The following PCDH9 variants were observed in gnomAD, a reference collection of about 807,000 sequenced individuals.
PCDH9 encodes protocadherin 9.
PCDH9 carries 24 observed loss-of-function variants against 70.6 expected under a neutral mutation model. The observed-to-expected ratio is 0.34, with a 90% CI of 0.25 to 0.48. The LOEUF (loss-of-function observed/expected upper bound fraction) is 0.48, where lower values mean the gene tolerates loss of function less well. PCDH9 is among the 20% of genes least tolerant of loss of function. PCDH9 has a pLI of 0.99. For missense variants in PCDH9, 1,281 were observed against 1,503.6 expected, an observed-to-expected ratio of 0.85 and a Z score of 2.45; for synonymous variants, 562 against 558.5, an observed-to-expected ratio of 1.01 and a Z score of -0.09.
chr13:66,784,353 A>G (rs886858786), intron 3 of PCDH9, among the ~76,000 whole-genome samples: 6 of 152,134 alleles, frequency 3.9e-5, no homozygotes, highest in African/African-American at 1.4e-4. Flanking sequence ...TGCTTTAGCT[A>G]CCTGGACTGA....
intron 2 of PCDH9, among the ~76,000 whole-genome samples, chr13:67,159,259 C>T (rs907789504): frequency 1.3e-5 from 2 of 151,924 alleles, no homozygotes; most frequent in Admixed American, 6.6e-5. Flanking sequence ...CTCACGGGTT[C>T]GAGAAAACAA....
intron 4 of PCDH9, among the ~76,000 whole-genome samples, chr13:66,607,006 T>G (rs1003539315): frequency 3.9e-5 from 6 of 152,138 alleles, no homozygotes; most frequent in African/African-American, 1.2e-4. Context: ...CGGAGATTTC[T>G]GAATCTACTT....
At chr13:66,443,563 T>C (rs1024334967) in intron 4 of PCDH9, among the ~76,000 whole-genome samples, 2 of 152,192 alleles carry the variant, frequency 1.3e-5, no homozygotes, top group African/African-American at 4.8e-5. Flanking sequence ...GTGCTGATTT[T>C]CATGTATTTT....
intron 4 of PCDH9, among the ~76,000 whole-genome samples, chr13:66,615,187 T>C (rs2077340819): frequency 6.6e-6 from 1 of 152,228 alleles, no homozygotes; most frequent in African/African-American, 2.4e-5. Context: ...GAATAAATTT[T>C]GCTTCTAAGA....
At position 67,020,648 on chromosome 13, in the gene PCDH9, G is replaced by C. The variant is rs377379866; in HGVS notation, c.3037-117043C>G. Among the ~76,000 whole-genome samples, 14 of 152,116 alleles carry C rather than the reference G, an allele frequency of 9.2e-5. No individual in the cohort carries two copies. In the East Asian group the frequency reaches 2.5e-3, roughly 27 times the overall value. On this transcript the variant is annotated intron_variant, in intron 2 of 4. Transcript: ENST00000377865. Reference sequence around the variant, plus strand: ...TGGCATTGTTACTAGCCAAATCCCTGCGGGGAAAAAATGCCATGTAGATTT... The same window carrying C: ...TGGCATTGTTACTAGCCAAATCCCTCCGGGGAAAAAATGCCATGTAGATTT...
chr13:67,014,598 C>T (rs535193503), intron 2 of PCDH9, among the ~76,000 whole-genome samples: 1 of 151,694 alleles, frequency 6.6e-6, no homozygotes, highest in East Asian at 2.0e-4. Flanking sequence ...ACCCACTCTA[C>T]TCAAAATTCT....
rs770161202 is a variant in PCDH9, at chr13:66,746,438, T to A, written c.3139-115027A>T. Among the ~76,000 whole-genome samples, 97 of 152,274 alleles carry A rather than the reference T, an allele frequency of 6.4e-4. 1 individual carries two copies. The highest frequency in any genetic ancestry group is 1.1e-3 in the Non-Finnish European group (73 of 68,008). On this transcript the variant is annotated intron_variant, in intron 3 of 4. Coordinates refer to ENST00000377865, the MANE Select transcript of PCDH9 (RefSeq NM_203487.3). ...AAATACAATTCCTGATCAAATTGTA[T>A]GTCCTTTTCCTGAAAACAGTGAATT...
At chr13:66,642,999 GA>G (rs1213033274) in intron 3 of PCDH9, among the ~76,000 whole-genome samples, 1 of 151,962 alleles carries the variant, frequency 6.6e-6, no homozygotes, top group East Asian at 1.9e-4. Flanking sequence ...TGGTATGAGA[GA>G]ATGCGATGAA....
chr13:66,772,159 C>A (rs2079818578), intron 3 of PCDH9, among the ~76,000 whole-genome samples: 1 of 152,158 alleles, frequency 6.6e-6, no homozygotes. Context: ...AGCCACCTGG[C>A]ACATGCAATA....
chr13:66,554,853 T>C (rs1961656471), intron 4 of PCDH9, among the ~76,000 whole-genome samples: 2 of 151,972 alleles, frequency 1.3e-5, no homozygotes. Context: ...CAATATAAGG[T>C]AGTTTTGTGT....
At chr13:66,932,439 T>G (rs2082826626) in intron 2 of PCDH9, among the ~76,000 whole-genome samples, 1 of 151,992 alleles carries the variant, frequency 6.6e-6, no homozygotes, top group South Asian at 2.1e-4. Flanking sequence ...CAGATGAATA[T>G]TCAAAATTTA....
In PCDH9 at chr13:67,182,543, TA is replaced by T. The variant is rs575013516; in HGVS notation, c.3036+42861del. 1.1e-3 allele frequency among the ~76,000 whole-genome samples: 164 copies of T among 151,066 alleles called. 1 individual carries two copies. The highest frequency in any genetic ancestry group is 3.8e-3 in the African/African-American group (157 of 41,212). On this transcript the variant is annotated intron_variant, in intron 2 of 4. Coordinates refer to ENST00000377865, the MANE Select transcript of PCDH9 (RefSeq NM_203487.3). Reference sequence around the variant, plus strand: ...TAGTAATCGAAATGTTCTCTAAAAATAAAAAAAAATGAAAATCATAGGTCAG... The same window carrying T: ...TAGTAATCGAAATGTTCTCTAAAAATAAAAAAAATGAAAATCATAGGTCAG...
At chr13:66,690,537 G>A (rs1593900015) in intron 3 of PCDH9, among the ~76,000 whole-genome samples, 1 of 152,150 alleles carries the variant, frequency 6.6e-6, no homozygotes, top group East Asian at 1.9e-4. Context: ...ACACTACAAG[G>A]TTTAGTACAG....
intron 3 of PCDH9, among the ~76,000 whole-genome samples, chr13:66,751,484 CAG>C (rs1278171110): frequency 3.3e-5 from 5 of 152,128 alleles, no homozygotes; most frequent in African/African-American, 1.2e-4. Flanking sequence ...GTCTTACTGT[CAG>C]AGATAGAATT....
Position 66,560,756 on chromosome 13 carries a change from C to A in PCDH9, c.3340+70454G>T, listed in dbSNP as rs1001801. Reference sequence around the variant, plus strand: ...CCCTGGGCTGTAACTTAAAATACCTCTTTGATTTCAGGCCTCCTTATCTAA... The same window carrying A: ...CCCTGGGCTGTAACTTAAAATACCTATTTGATTTCAGGCCTCCTTATCTAA... On this transcript the variant is annotated intron_variant, in intron 4 of 4. Transcript: ENST00000377865. Among the ~76,000 whole-genome samples, 1,319 of 152,342 alleles carry A rather than the reference C, an allele frequency of 8.7e-3. 16 individuals carry two copies. Among genetic ancestry groups the A allele is most frequent in the African/African-American group, 0.029 (1,205 of 41,588 alleles).
chr13:66,812,415 A>C (rs954352565), intron 3 of PCDH9, among the ~76,000 whole-genome samples: 1 of 152,172 alleles, frequency 6.6e-6, no homozygotes, highest in African/African-American at 2.4e-5. Flanking sequence ...GTAAGATTTT[A>C]ATATTTAAAT....
intron 4 of PCDH9, among the ~76,000 whole-genome samples, chr13:66,449,951 A>G (rs972729226): frequency 3.3e-5 from 5 of 152,192 alleles, no homozygotes; most frequent in Non-Finnish European, 7.4e-5. Flanking sequence ...ATTATACTTC[A>G]TGAGTGTTAC....
Position 67,227,540 on chromosome 13 carries a change from T to C in PCDH9, c.901A>G (p.Arg301Gly). 1 of 1,613,930 alleles carries C rather than the reference T, an allele frequency of 6.2e-7. No homozygotes were observed. The highest frequency in any genetic ancestry group is 8.5e-7 in the Non-Finnish European group (1 of 1,179,816). The change falls in exon 2 of 5, where the codon AGA (arginine) becomes GGA (glycine). Residue 301 changes from arginine (R) to glycine (G), a missense_variant. Physicochemically the swap from Arg to Gly is moderately radical, Grantham distance 125 (BLOSUM62 -2). Coordinates refer to ENST00000377865, the MANE Select transcript of PCDH9 (RefSeq NM_203487.3). The surrounding 1 kb of genome is among the most constrained non-coding windows in gnomAD (Gnocchi z 4.6). ...FGAQVAPATKRLFALNNTTGL... is the reference protein window; with the variant it reads ...FGAQVAPATKGLFALNNTTGL... ...GTAGTATTATTTAAAGCAAAGAGTC[T>C]TTTGGTTGCAGGGGCGACCTGGGCA...
chr13:66,866,090 G>C (rs953390804), intron 3 of PCDH9, among the ~76,000 whole-genome samples: 2 of 152,142 alleles, frequency 1.3e-5, no homozygotes, highest in African/African-American at 4.8e-5. Flanking sequence ...AAAAAGGCGG[G>C]AATAAATATG....
Sources: gnomAD v4.1 joint callset for allele counts (sites outside exome capture counted in the v4.1 genomes callset) on GRCh38, gnomAD v4.1.1 for gene constraint, Gnocchi (gnomAD v3.1) non-coding constraint, MANE v1.5 for transcripts, NCBI Gene and HGNC (gene_info 2026-07-23, HGNC 2026-07-21) for gene names.